GABRB1: variants seen among roughly 807,000 people sequenced by gnomAD.
The protein encoded by GABRB1 is gamma-aminobutyric acid receptor subunit beta-1.
Under a neutral mutation model 51.6 loss-of-function variants are expected in GABRB1, and 17 were observed. That is an observed-to-expected ratio of 0.33 (90% CI 0.23 to 0.49). The LOEUF is 0.49. Among genes scored for constraint, GABRB1 ranks in the 20% least tolerant of loss-of-function variants. The pLI, the probability that GABRB1 is intolerant of heterozygous loss-of-function variation, is 0.99. For missense variants in GABRB1, 410 were observed against 600.6 expected (o/e 0.68, Z 3.32); for synonymous variants, 247 against 218.9 (o/e 1.13, Z -1.14).
chr4:47,195,734 T>C (rs1719659210), intron 4 of GABRB1, among the ~76,000 whole-genome samples: 1 of 152,214 alleles, frequency 6.6e-6, no homozygotes, highest in Admixed American at 6.5e-5. Context: ...CAAATGGTAA[T>C]ATTAAACACT....
chr4:47,302,208 A>G (rs1270341878), intron 4 of GABRB1, among the ~76,000 whole-genome samples: 1 of 152,122 alleles, frequency 6.6e-6, no homozygotes, highest in African/African-American at 2.4e-5. Flanking sequence ...TTAAAAAGAT[A>G]ATATATGTAA....
At chr4:47,109,744 G>A (rs567368633) in intron 3 of GABRB1, among the ~76,000 whole-genome samples, 1 of 152,120 alleles carries the variant, frequency 6.6e-6, no homozygotes, top group African/African-American at 2.4e-5. Flanking sequence ...ATGCAATTTA[G>A]GTGTTATCTG....
chr4:47,119,883 T>C (rs1310994552), intron 3 of GABRB1, among the ~76,000 whole-genome samples: 1 of 151,996 alleles, frequency 6.6e-6, no homozygotes, highest in African/African-American at 2.4e-5. Context: ...TAGTAACAGA[T>C]TTTAAAAGGC....
intron 4 of GABRB1, among the ~76,000 whole-genome samples, chr4:47,246,080 C>A (rs186436733): frequency 4.7e-5 from 7 of 149,428 alleles, no homozygotes; most frequent in South Asian, 2.1e-4. Context: ...ATTCTCCCCC[C>A]CCAAGTCCCC....
intron 4 of GABRB1, among the ~76,000 whole-genome samples, chr4:47,278,014 C>T (rs925753301): frequency 1.3e-5 from 2 of 152,046 alleles, no homozygotes; most frequent in African/African-American, 4.8e-5. Context: ...GTTTTCATAG[C>T]CCTGCCCTGA....
chr4:47,129,009 T>C (rs1489478089), intron 3 of GABRB1, among the ~76,000 whole-genome samples: 1 of 152,050 alleles, frequency 6.6e-6, no homozygotes, highest in East Asian at 1.9e-4. Context: ...TAAAATAGTA[T>C]CAGCAATATA....
At chr4:47,044,442 G>C (rs1006573102) in intron 3 of GABRB1, among the ~76,000 whole-genome samples, 1 of 151,874 alleles carries the variant, frequency 6.6e-6, no homozygotes, top group Admixed American at 6.6e-5. Flanking sequence ...GGATGATGTT[G>C]TATCCTAATT....
chr4:47,280,741 G>A (rs1217806384), intron 4 of GABRB1, among the ~76,000 whole-genome samples: 1 of 150,956 alleles, frequency 6.6e-6, no homozygotes, highest in African/African-American at 2.4e-5. Context: ...TCTAACATTT[G>A]GGCTTAAGAG....
chr4:47,134,778 G>A lies in GABRB1; in HGVS notation c.241-26471G>A, dbSNP rs527510956. 3.5e-4 allele frequency among the ~76,000 whole-genome samples: 54 copies of A among 152,206 alleles called. No individual in the cohort carries two copies. The South Asian group carries it at 0.011, about 31-fold the overall frequency. On this transcript the variant is annotated intron_variant, in intron 3 of 8. Coordinates refer to ENST00000295454, the MANE Select transcript of GABRB1 (RefSeq NM_000812.4). ...CAAAGGGACATGAGCAAAAAGTTTT[G>A]GCTGGATATACAAGGAAGGACAAGT... is the stretch of plus-strand genomic sequence containing the variant.
chr4:47,156,382 A>G (rs1717699935), intron 3 of GABRB1, among the ~76,000 whole-genome samples: 1 of 151,976 alleles, frequency 6.6e-6, no homozygotes, highest in African/African-American at 2.4e-5. Flanking sequence ...GACATTTTGA[A>G]CCAGACAATT....
At chr4:47,206,887 T>A (rs529313232) in intron 4 of GABRB1, among the ~76,000 whole-genome samples, 1 of 151,696 alleles carries the variant, frequency 6.6e-6, no homozygotes, top group Admixed American at 6.6e-5. Flanking sequence ...TATGTATATA[T>A]ATATGTATAT....
intron 3 of GABRB1, among the ~76,000 whole-genome samples, chr4:47,079,860 A>T (rs1319943381): frequency 1.5e-5 from 1 of 66,446 alleles, no homozygotes; most frequent in Non-Finnish European, 2.7e-5. Context: ...GGGTGGGGGG[A>T]GGGGGGAGGG....
At chr4:47,182,455 T>C (rs1313825588) in intron 4 of GABRB1, among the ~76,000 whole-genome samples, 2 of 152,010 alleles carry the variant, frequency 1.3e-5, no homozygotes, top group Non-Finnish European at 2.9e-5. Flanking sequence ...TAGATCTTCC[T>C]TGATATTTAG....
chr4:47,078,611 G>T (rs555175410), intron 3 of GABRB1, among the ~76,000 whole-genome samples: 2 of 152,148 alleles, frequency 1.3e-5, no homozygotes, highest in Non-Finnish European at 2.9e-5. Context: ...CTGCTTCTTA[G>T]TCTTTCTTAC....
At chr4:47,296,342 G>C (rs1187547024) in intron 4 of GABRB1, among the ~76,000 whole-genome samples, 9 of 152,158 alleles carry the variant, frequency 5.9e-5, no homozygotes, top group Non-Finnish European at 1.3e-4. Context: ...AGACCCATCA[G>C]TGTGCTGTAT....
chr4:47,171,355 T>A (rs1718428935), intron 4 of GABRB1, among the ~76,000 whole-genome samples: 1 of 151,894 alleles, frequency 6.6e-6, no homozygotes, highest in Non-Finnish European at 1.5e-5. Context: ...ATCTCAGAAA[T>A]GTTATGAATT....
At chr4:47,385,156 T>C (rs1381501758) in intron 5 of GABRB1, among the ~76,000 whole-genome samples, 2 of 152,204 alleles carry the variant, frequency 1.3e-5, no homozygotes, top group African/African-American at 2.4e-5. Context: ...CAACATCCTA[T>C]CATAATAATG....
intron 1 of GABRB1, among the ~76,000 whole-genome samples, chr4:47,019,433 T>C (rs2109449731): frequency 6.7e-6 from 1 of 150,370 alleles, no homozygotes; most frequent in Non-Finnish European, 1.5e-5. Flanking sequence ...AAACACTGTA[T>C]TAGTTTGCTA....
chr4:47,328,765 TGTG>T (rs1443510748), intron 5 of GABRB1, among the ~76,000 whole-genome samples: 1 of 150,996 alleles, frequency 6.6e-6, no homozygotes, highest in African/African-American at 2.4e-5. Flanking sequence ...TGGGGCCTGT[TGTG>T]GGGAGGGGGG....
Sources: allele counts gnomAD v4.1 joint callset (sites outside exome capture counted in the v4.1 genomes callset), GRCh38; gene constraint gnomAD v4.1.1; transcripts MANE v1.5; gene names NCBI Gene and HGNC (gene_info 2026-07-23, HGNC 2026-07-21).